The following TBX15 variants were observed in gnomAD, a reference collection of about 807,000 sequenced individuals.
TBX15 encodes the protein T-box transcription factor 15, also known as T-box transcription factor TBX15.
Under a neutral mutation model 53.9 loss-of-function variants are expected in TBX15, and 18 were observed. The observed-to-expected ratio is 0.33, with a 90% CI of 0.23 to 0.49. The LOEUF is 0.49. Among genes scored for constraint, TBX15 ranks in the 20% least tolerant of loss-of-function variants. The pLI, the probability that TBX15 is intolerant of heterozygous loss-of-function variation, is 0.98. For missense variants in TBX15, 692 were observed against 749.5 expected, an observed-to-expected ratio of 0.92 and a Z score of 0.90; for synonymous variants, 295 against 278.0, an observed-to-expected ratio of 1.06 and a Z score of -0.61.
At chr1:118,932,521 G>A (rs1451498726) in intron 1 of TBX15, among the ~76,000 whole-genome samples, 1 of 152,172 alleles carries the variant, frequency 6.6e-6, no homozygotes, top group Non-Finnish European at 1.5e-5. Context: ...ACCCAAAAAG[G>A]CAGTTGAAAC....
chr1:118,952,170 A>T (rs1174021162), intron 1 of TBX15, among the ~76,000 whole-genome samples: 1 of 152,218 alleles, frequency 6.6e-6, no homozygotes, highest in Non-Finnish European at 1.5e-5. Context: ...TTTCTCTTCC[A>T]TGAGGTTTTC....
intron 1 of TBX15, among the ~76,000 whole-genome samples, chr1:118,966,526 T>C (rs1657038894): frequency 6.6e-6 from 1 of 152,128 alleles, no homozygotes; most frequent in Non-Finnish European, 1.5e-5. Flanking sequence ...GAATGTAAAA[T>C]GGTATTCGGC....
At chr1:118,955,688 C>T (rs1198966707) in intron 1 of TBX15, among the ~76,000 whole-genome samples, 1 of 152,100 alleles carries the variant, frequency 6.6e-6, no homozygotes, top group African/African-American at 2.4e-5. Flanking sequence ...TGAAAAAAGG[C>T]AGGGAATCAC....
intron 1 of TBX15, among the ~76,000 whole-genome samples, chr1:118,938,624 A>G (rs1011463772): frequency 6.6e-6 from 1 of 152,230 alleles, no homozygotes; most frequent in Non-Finnish European, 1.5e-5. Flanking sequence ...CCAACAGTGT[A>G]TAAGTATTCC....
intron 3 of TBX15, 75 bp downstream of exon 3, chr1:118,926,435 T>C (rs1655597065): frequency 1.5e-6 from 2 of 1,304,668 alleles, no homozygotes; most frequent in South Asian, 2.5e-5. Context: ...CTAAACTATT[T>C]CCTCTAAGGA....
At chr1:118,894,441 G>C (rs1022949375) in intron 7 of TBX15, among the ~76,000 whole-genome samples, 1 of 152,164 alleles carries the variant, frequency 6.6e-6, no homozygotes, top group African/African-American at 2.4e-5. Flanking sequence ...TGTGGCCATT[G>C]AGCAGCTTTA....
intron 1 of TBX15, among the ~76,000 whole-genome samples, chr1:118,971,337 C>A (rs574070905): frequency 2.6e-5 from 4 of 152,180 alleles, no homozygotes; most frequent in Non-Finnish European, 4.4e-5. Context: ...CAGGTCACAC[C>A]TACAGGTGAC....
chr1:118,905,007 C>CA (rs1654766136), intron 6 of TBX15, among the ~76,000 whole-genome samples: 1 of 152,050 alleles, frequency 6.6e-6, no homozygotes, highest in East Asian at 1.9e-4. Context: ...TGATTAAAGA[C>CA]AAAATGTATC....
chr1:118,926,514 A>G lies in TBX15; in HGVS notation c.517T>C (p.Tyr173His), dbSNP rs776496240. Residue 173 changes from tyrosine to histidine, a missense_variant, in exon 3 of 8, where the codon TAC becomes CAC. By Grantham distance (83) the Tyr-to-His change is moderately conservative (BLOSUM62 2). This residue lies in a region of TBX15 where 307 missense variants were observed against 347.5 expected (regional missense o/e 0.88). Transcript: ENST00000369429. ...MDIVPVDNKR[Y>H]RYVYHSSKWM... Reference sequence around the variant, plus strand: ...ACATCCCAGAGTTATTGTTACCTGTATCTTTTATTGTCCACAGGCACAATG... The same window carrying G: ...ACATCCCAGAGTTATTGTTACCTGTGTCTTTTATTGTCCACAGGCACAATG... 1.1e-5 allele frequency: 17 copies of G among 1,612,872 alleles called. No homozygotes were observed. In the South Asian group the frequency reaches 1.4e-4, roughly 14 times the overall value.
chr1:118,985,392 T>TCG (rs1657797411), intron 1 of TBX15, among the ~76,000 whole-genome samples: 1 of 152,214 alleles, frequency 6.6e-6, no homozygotes, highest in East Asian at 1.9e-4. Flanking sequence ...CCAGCCCTGG[T>TCG]CGCGCCTTTC....
chr1:118,899,484 C>T (rs1654545053), intron 6 of TBX15, among the ~76,000 whole-genome samples: 2 of 152,156 alleles, frequency 1.3e-5, no homozygotes, highest in African/African-American at 4.8e-5. Context: ...GACTGCTTCT[C>T]TAGCACAGAA....
chr1:118,937,617 C>T (rs1656011360), intron 1 of TBX15, among the ~76,000 whole-genome samples: 1 of 152,192 alleles, frequency 6.6e-6, no homozygotes, highest in South Asian at 2.1e-4. Context: ...ATGTAGAATG[C>T]TCTGAGATTA....
chr1:118,949,330 T>A (rs2101652383), intron 1 of TBX15, among the ~76,000 whole-genome samples: 1 of 152,334 alleles, frequency 6.6e-6, no homozygotes, highest in South Asian at 2.1e-4. Context: ...GTGGCCCAGA[T>A]TTTCCAGAGG....
At chr1:118,909,050 C>T (rs1198239494) in intron 6 of TBX15, among the ~76,000 whole-genome samples, 1 of 152,166 alleles carries the variant, frequency 6.6e-6, no homozygotes, top group East Asian at 1.9e-4. Flanking sequence ...CCTTCCTATG[C>T]TTCTCACCTG....
chr1:118,924,529 AC>A (rs1655530401), intron 4 of TBX15, 116 bp downstream of exon 4: 1 of 1,214,832 alleles, frequency 8.2e-7, no homozygotes, highest in African/African-American at 1.5e-5. Flanking sequence ...ACTTAAAATT[AC>A]TTAAAGTGGC....
intron 1 of TBX15, among the ~76,000 whole-genome samples, chr1:118,956,734 C>T (rs1411201328): frequency 6.6e-6 from 1 of 151,680 alleles, no homozygotes; most frequent in African/African-American, 2.4e-5. Flanking sequence ...GGGAAGATCA[C>T]GAGGTCAGGA....
intron 1 of TBX15, among the ~76,000 whole-genome samples, chr1:118,985,223 C>G (rs73011330): frequency 0.014 from 2,184 of 152,156 alleles, 48 homozygotes; most frequent in African/African-American, 0.049. Context: ...GCCCTAAGGA[C>G]AAAAGAGTTA....
At chr1:118,955,040 C>T (rs1656636658) in intron 1 of TBX15, among the ~76,000 whole-genome samples, 1 of 152,164 alleles carries the variant, frequency 6.6e-6, no homozygotes, top group Admixed American at 6.5e-5. Context: ...TTTCCAGAAT[C>T]CCTCTTCATG....
chr1:118,905,411 G>T (rs988168298), intron 6 of TBX15, among the ~76,000 whole-genome samples: 2 of 152,196 alleles, frequency 1.3e-5, no homozygotes, highest in Non-Finnish European at 2.9e-5. Context: ...AGAGGACAAT[G>T]GTGGAAAAGG....
Sources: gnomAD v4.1 joint callset for allele counts (sites outside exome capture counted in the v4.1 genomes callset) on GRCh38, gnomAD v4.1.1 for gene constraint, gnomAD v4.1.1 regional missense constraint, MANE v1.5 for transcripts, NCBI Gene and HGNC (gene_info 2026-07-23, HGNC 2026-07-21) for gene names.